Variants in GOLGA4 observed in about 807,000 individuals in gnomAD.
The protein encoded by GOLGA4 is golgin subfamily A member 4.
A neutral mutation model predicts 265.9 loss-of-function variants in GOLGA4; 169 were observed. The ratio of observed to expected loss-of-function variants is 0.64; its 90% confidence interval spans 0.56 to 0.72. GOLGA4 has a LOEUF of 0.72. Among genes scored for constraint, GOLGA4 ranks in the 30% least tolerant of loss-of-function variants. The pLI is 0.00. For missense variants in GOLGA4, 2,482 were observed against 2,483.4 expected, an observed-to-expected ratio of 1.00 and a Z score of 0.01; for synonymous variants, 923 against 855.8, an observed-to-expected ratio of 1.08 and a Z score of -1.37.
At chr3:37,313,972 T>TG (rs1391066443) in intron 10 of GOLGA4, among the ~76,000 whole-genome samples, 2 of 151,862 alleles carry the variant, frequency 1.3e-5, no homozygotes, top group African/African-American at 2.4e-5. Flanking sequence ...TGTATTTTTT[T>TG]TTTTTTTTTG....
At chr3:37,256,854 A>G (rs983535898) in intron 2 of GOLGA4, among the ~76,000 whole-genome samples, 65 of 152,168 alleles carry the variant, frequency 4.3e-4, no homozygotes, top group African/African-American at 1.2e-3. Flanking sequence ...GCGATAGGGT[A>G]TCACTATGTT....
chr3:37,294,664 G>C (rs2096873570), intron 5 of GOLGA4, among the ~76,000 whole-genome samples: 1 of 152,114 alleles, frequency 6.6e-6, no homozygotes, highest in South Asian at 2.1e-4. Flanking sequence ...GGGATTACAG[G>C]TGTGAGCCAC....
intron 3 of GOLGA4, among the ~76,000 whole-genome samples, chr3:37,283,443 T>G (rs2096840023): frequency 6.6e-6 from 1 of 152,228 alleles, no homozygotes; most frequent in South Asian, 2.1e-4. Context: ...AACTTAACCA[T>G]GGCTTTTAAG....
chr3:37,309,987 T>A (rs879775395), intron 10 of GOLGA4, among the ~76,000 whole-genome samples: 9 of 152,264 alleles, frequency 5.9e-5, no homozygotes, highest in Non-Finnish European at 1.2e-4. Context: ...TTGCTTTTTC[T>A]GTTAATTTGC....
intron 2 of GOLGA4, among the ~76,000 whole-genome samples, chr3:37,258,089 A>G (rs1356120475): frequency 7.4e-6 from 1 of 134,834 alleles, no homozygotes; most frequent in African/African-American, 2.8e-5. Flanking sequence ...ATGTGTGTAT[A>G]TATATATGCT....
chr3:37,299,189 C>G (rs2096886500), intron 8 of GOLGA4, 99 bp from the exon 9 acceptor site: 1 of 949,216 alleles, frequency 1.1e-6, no homozygotes, highest in Non-Finnish European at 1.6e-6. Context: ...TTTTTTCCTT[C>G]TGCACTGTAA....
chr3:37,348,747 C>G (rs754035204), intron 21 of GOLGA4, among the ~76,000 whole-genome samples: 1 of 152,156 alleles, frequency 6.6e-6, no homozygotes, highest in Non-Finnish European at 1.5e-5. Flanking sequence ...TTAGCTTTTT[C>G]TTGATCTGTA....
At chr3:37,282,305 T>G in intron 3 of GOLGA4, 33 bp downstream of exon 3, 1 of 1,513,876 alleles carries the variant, frequency 6.6e-7, no homozygotes, top group Non-Finnish European at 9.1e-7. Flanking sequence ...TGTACAAAAA[T>G]TTCTTCCCCT....
At chr3:37,279,195 G>A (rs1159569317) in intron 2 of GOLGA4, among the ~76,000 whole-genome samples, 1 of 152,140 alleles carries the variant, frequency 6.6e-6, no homozygotes, top group Admixed American at 6.5e-5. Context: ...TATTACTGGG[G>A]CAAAGTATCC....
At chr3:37,281,825 A>T in intron 2 of GOLGA4, 133 bp from the exon 3 acceptor site, 1 of 718,886 alleles carries the variant, frequency 1.4e-6, no homozygotes, top group South Asian at 1.9e-5. Flanking sequence ...TCAGAAAACA[A>T]TGTATTATGT....
rs578015529 is a variant in GOLGA4, at chr3:37,256,090, C to T, written c.162+4606C>T. ...TGAAGTAGGGATCAAGTTTCATCCCCTCCAGTATGTGTATCCGGTTGTCTC... is the reference window on the plus strand; with the variant it reads ...TGAAGTAGGGATCAAGTTTCATCCCTTCCAGTATGTGTATCCGGTTGTCTC... On this transcript the variant is annotated intron_variant, in intron 2 of 23. Transcript: ENST00000361924. Among the ~76,000 whole-genome samples the T allele has an allele frequency of 3.9e-5, 6 of 152,244 alleles. No individual in the cohort carries two copies. The East Asian group carries it at 5.8e-4, about 15-fold the overall frequency.
In GOLGA4 at chr3:37,366,079, G is replaced by A. The variant is rs1578920442; in HGVS notation, c.*34-1G>A. The stretch of plus-strand genomic sequence containing the variant: ...ATTCTCTTTTCCTTTTTCTTTTCCA[G>A]TCATGGCTCCGATCTTCATCTTGAA... On this transcript the variant is annotated splice_acceptor_variant, in intron 23 of 23. Coordinates refer to ENST00000361924, the MANE Select transcript of GOLGA4 (RefSeq NM_002078.5). LOFTEE classifies it low-confidence loss of function (3UTR_SPLICE). The A allele has an allele frequency of 6.5e-7, 1 of 1,527,288 alleles. No homozygotes were observed. 94.6% of individuals were successfully genotyped at this position (1,527,288 alleles called of 1,614,324 possible). A position where few individuals can be genotyped will look rare whatever the true frequency, so the allele number is the denominator to read the frequency against.
intron 17 of GOLGA4, among the ~76,000 whole-genome samples, chr3:37,336,032 A>C (rs755051990): frequency 2.0e-5 from 3 of 152,164 alleles, no homozygotes; most frequent in African/African-American, 7.2e-5. Context: ...CCAGGTAACA[A>C]TTTTTTACAC....
intron 3 of GOLGA4, among the ~76,000 whole-genome samples, chr3:37,283,980 A>G (rs2096841538): frequency 6.6e-6 from 1 of 152,142 alleles, no homozygotes; most frequent in Admixed American, 6.5e-5. Context: ...TTGTAGTTGC[A>G]GTGTCTGGAT....
chr3:37,343,559 C>T (rs540540982), intron 20 of GOLGA4, among the ~76,000 whole-genome samples: 7 of 152,322 alleles, frequency 4.6e-5, no homozygotes, highest in African/African-American at 1.7e-4. Flanking sequence ...AGTGCCCATA[C>T]ATTGCATTTG....
intron 21 of GOLGA4, among the ~76,000 whole-genome samples, chr3:37,348,113 T>TGGGA (rs1414645322): frequency 6.6e-6 from 1 of 152,152 alleles, no homozygotes; most frequent in Admixed American, 6.5e-5. Context: ...TATGGGTGTG[T>TGGGA]GGGAGTTGCT....
chr3:37,256,493 A>T (rs2096749135), intron 2 of GOLGA4, among the ~76,000 whole-genome samples: 2 of 152,140 alleles, frequency 1.3e-5, no homozygotes, highest in Admixed American at 6.5e-5. Flanking sequence ...GGACATAAAA[A>T]AAATCTATAT....
At chr3:37,284,906 C>T (rs1416256056) in intron 3 of GOLGA4, among the ~76,000 whole-genome samples, 2 of 152,148 alleles carry the variant, frequency 1.3e-5, no homozygotes, top group African/African-American at 4.8e-5. Flanking sequence ...CTCAAGCAAT[C>T]CTCCTGTCCT....
At chr3:37,247,743 T>C (rs4678953) in intron 1 of GOLGA4, among the ~76,000 whole-genome samples, 65,104 of 152,044 alleles carry the variant, frequency 0.43, 14,796 homozygotes, top group African/African-American at 0.52. Flanking sequence ...GCTCAGGATC[T>C]TTTTGTATGC....
Sources: gnomAD v4.1 joint callset for allele counts (sites outside exome capture counted in the v4.1 genomes callset) on GRCh38, gnomAD v4.1.1 for gene constraint, MANE v1.5 for transcripts, NCBI Gene and HGNC (gene_info 2026-07-23, HGNC 2026-07-21) for gene names.